GRP: variants seen among roughly 807,000 people sequenced by gnomAD.
GRP encodes the protein gastrin-releasing peptide.
In GRP, 11 loss-of-function variants were observed where a neutral mutation model predicts 12.7. That is an observed-to-expected ratio of 0.87 (90% CI 0.55 to 1.44). GRP has a LOEUF of 1.44. Among genes scored for constraint, GRP ranks in the 40% most tolerant of loss-of-function variants. The pLI, the probability that GRP is intolerant of heterozygous loss-of-function variation, is 0.00. For synonymous variants in GRP, 84 were observed against 77.7 expected (o/e 1.08, Z -0.43); for missense variants, 212 against 185.4 (o/e 1.14, Z -0.83).
chr18:59,221,728 G>T (rs577495865), intron 1 of GRP, among the ~76,000 whole-genome samples: 4 of 152,264 alleles, frequency 2.6e-5, no homozygotes, highest in Non-Finnish European at 5.9e-5. Context: ...TAAATAATTT[G>T]GGGGAAGGAG....
At chr18:59,226,113 G>A (rs2069916930) in intron 2 of GRP, among the ~76,000 whole-genome samples, 1 of 152,074 alleles carries the variant, frequency 6.6e-6, no homozygotes, top group South Asian at 2.1e-4. Context: ...AACACTAGTG[G>A]AAGTTCCTGT....
intron 1 of GRP, among the ~76,000 whole-genome samples, chr18:59,223,254 T>A (rs1443652297): frequency 6.6e-6 from 1 of 152,220 alleles, no homozygotes; most frequent in Non-Finnish European, 1.5e-5. Flanking sequence ...TGACAGATGA[T>A]GTTGGGAGAA....
At chr18:59,219,518 G>GCTT (rs1334296694), upstream of GRP, among the ~76,000 whole-genome samples, 1 of 38,622 alleles carries the variant, frequency 2.6e-5, no homozygotes, top group African/African-American at 1.3e-4. Flanking sequence ...GGAAGGGAGG[G>GCTT]GAGAGGAGGG....
intron 2 of GRP, among the ~76,000 whole-genome samples, chr18:59,228,626 C>G (rs1369316552): frequency 6.6e-6 from 1 of 152,212 alleles, no homozygotes; most frequent in Non-Finnish European, 1.5e-5. Context: ...CCAGAACTTT[C>G]AGAGCAATTA....
intron 2 of GRP, among the ~76,000 whole-genome samples, chr18:59,227,110 T>G (rs2069955463): frequency 2.0e-5 from 3 of 149,752 alleles, no homozygotes; most frequent in South Asian, 4.2e-4. Context: ...TTTTTTTTTT[T>G]GACAAGGACT....
chr18:59,224,326 A>G (rs1454604170), intron 1 of GRP, among the ~76,000 whole-genome samples: 2 of 152,238 alleles, frequency 1.3e-5, no homozygotes, highest in South Asian at 2.1e-4. Context: ...CGCAATACAC[A>G]TAAAAGCAAT....
chr18:59,220,719 C>A (rs2069818223), intron 1 of GRP, among the ~76,000 whole-genome samples: 1 of 152,170 alleles, frequency 6.6e-6, no homozygotes, highest in African/African-American at 2.4e-5. Flanking sequence ...CTTCCCTCTG[C>A]GCCCATCCTA....
At chr18:59,227,013 CT>C (rs2069941121) in intron 2 of GRP, among the ~76,000 whole-genome samples, 1 of 130,102 alleles carries the variant, frequency 7.7e-6, no homozygotes, top group Non-Finnish European at 1.7e-5. Context: ...TTCTTTCTTT[CT>C]TTCTTTCTTT....
chr18:59,220,745 G>C (rs375058641), intron 1 of GRP, among the ~76,000 whole-genome samples: 1 of 152,120 alleles, frequency 6.6e-6, no homozygotes, highest in Non-Finnish European at 1.5e-5. Flanking sequence ...CCTTTTGTCC[G>C]CCTAGTCTCA....
At chr18:59,230,139 A>G (rs2070007810) in intron 2 of GRP, among the ~76,000 whole-genome samples, 1 of 152,202 alleles carries the variant, frequency 6.6e-6, no homozygotes, top group Non-Finnish European at 1.5e-5. Context: ...AGTAGCTCAA[A>G]AAAAAGTAGA....
chr18:59,225,987 G>A (rs140167787), intron 2 of GRP, among the ~76,000 whole-genome samples: 233 of 151,574 alleles, frequency 1.5e-3, no homozygotes, highest in African/African-American at 5.1e-3. Context: ...TTGCCATTAC[G>A]CATTGATGGG....
chr18:59,225,139 G>A (rs977193685), intron 1 of GRP, among the ~76,000 whole-genome samples: 1 of 152,112 alleles, frequency 6.6e-6, no homozygotes, highest in Admixed American at 6.5e-5. Flanking sequence ...AGATATGGAA[G>A]CCTCCTTAGA....
In GRP at chr18:59,225,727, A is replaced by G. The variant is rs759735431; in HGVS notation, c.375A>G (p.Lys125=). 3.7e-6 allele frequency: 6 copies of G among 1,613,846 alleles called. No homozygotes were observed. The Admixed American group carries it at 1.0e-4, about 27-fold the overall frequency. Residue 125 remains lysine, a synonymous_variant, in exon 2 of 3, where the codon AAA becomes AAG. Coordinates refer to ENST00000256857, the MANE Select transcript of GRP (RefSeq NM_002091.5). ...DSSNFKDVGS[K]GKVGRLSAPG... ...GCAACTTCAAAGATGTAGGTTCAAA[A>G]GGCAAAGGTAAAAGAAACATACATG...
intron 1 of GRP, 25 bp from the exon 2 acceptor site, chr18:59,225,467 A>T: frequency 6.3e-7 from 1 of 1,587,612 alleles, no homozygotes; most frequent in African/African-American, 1.4e-5. Context: ...TGGCATTCTG[A>T]GTGTTTTTGT....
rs187919419 is a variant in GRP at position 59,223,386 on chromosome 18, G to A, written c.140-2106G>A. Among the ~76,000 whole-genome samples, 13 of 152,298 alleles carry A rather than the reference G, an allele frequency of 8.5e-5. No homozygotes were observed. In the East Asian group the frequency reaches 9.7e-4, roughly 11 times the overall value. On this transcript the variant is annotated intron_variant, in intron 1 of 2. Coordinates refer to ENST00000256857, the MANE Select transcript of GRP (RefSeq NM_002091.5). ...ACTTCCCTGGGATGTTACAGATAGC[G>A]TGCTCTCCTTAGCAACCAGTCTATG...
chr18:59,226,665 T>C (rs1347432507), intron 2 of GRP, among the ~76,000 whole-genome samples: 2 of 152,200 alleles, frequency 1.3e-5, no homozygotes, highest in South Asian at 2.1e-4. Flanking sequence ...GTCTGTACCA[T>C]GCCAGACATC....
At chr18:59,227,020 T>TCTTTCTTTCTTTCTTTCTTCCTTCCTTC (rs1555663415) in intron 2 of GRP, among the ~76,000 whole-genome samples, 2 of 142,030 alleles carry the variant, frequency 1.4e-5, no homozygotes, top group South Asian at 4.4e-4. Flanking sequence ...TTTCTTTCTT[T>TCTTTCTTTCTTTCTTTCTTCCTTCCTTC]CTTTCTTTCT....
At position 59,220,409 on chromosome 18, in the gene GRP, G is replaced by A. The variant is rs1440528558; in HGVS notation, c.139+5G>A. On this transcript the variant is annotated splice_donor_5th_base_variant and intron_variant, in intron 1 of 2. Transcript: ENST00000256857. ...GCGGCAACCACTGGGCGGTGGGTGA[G>A]TGTCCTGGCCGCGGGAGCCGCGCGC... 2.2e-6 allele frequency: 3 copies of A among 1,362,170 alleles called. No homozygotes were observed. The allele number at this position is 1,362,170 out of a possible 1,614,324, so 84.4% of individuals were successfully genotyped here. A position where few individuals can be genotyped will look rare whatever the true frequency, so the allele number is the denominator to read the frequency against.
Position 59,225,665 on chromosome 18 carries a change from G to T in GRP, c.313G>T (p.Gly105Cys). The change falls in exon 2 of 3, where the codon GGC becomes TGC. Residue 105 changes from glycine (G) to cysteine (C), a missense_variant. By Grantham distance (159) the Gly-to-Cys change is radical. Transcript: ENST00000256857. The stretch of plus-strand genomic sequence containing the variant: ...CCAGCCACCTCAACCCAAGGCCCTG[G>T]GCAATCAGCAGCCTTCGTGGGATTC... ...NHQPPQPKAL[G>C]NQQPSWDSED... is the part of the protein sequence containing the mutation. 6.2e-7 allele frequency: 1 copy of T among 1,614,040 alleles called. No individual in the cohort carries two copies. The highest frequency in any genetic ancestry group is 8.5e-7 in the Non-Finnish European group (1 of 1,179,942).
Sources: gnomAD v4.1 joint callset for allele counts (sites outside exome capture counted in the v4.1 genomes callset) on GRCh38, gnomAD v4.1.1 for gene constraint, MANE v1.5 for transcripts, NCBI Gene and HGNC (gene_info 2026-07-23, HGNC 2026-07-21) for gene names.